Variants in DNAH9 observed in about 807,000 individuals in gnomAD.
DNAH9 encodes dynein axonemal heavy chain 9, also known as DNAH9 variant protein.
A neutral mutation model predicts 471.6 loss-of-function variants in DNAH9; 345 were observed. The ratio of observed to expected loss-of-function variants is 0.73; its 90% CI spans 0.67 to 0.80. The LOEUF (loss-of-function observed/expected upper bound fraction) is 0.80, where lower values mean the gene tolerates loss of function less well. Ranked by LOEUF, DNAH9 falls within the 30% of genes least tolerant of loss-of-function variation. DNAH9 has a pLI of 0.00. For synonymous variants in DNAH9, 2,093 were observed against 2,123.6 expected, an observed-to-expected ratio of 0.99 and a Z score of 0.40; for missense variants, 5,407 against 5,609.2, an observed-to-expected ratio of 0.96 and a Z score of 1.15.
intron 49 of DNAH9, among the ~76,000 whole-genome samples, chr17:11,851,536 G>T (rs1971421135): frequency 1.3e-5 from 2 of 152,164 alleles, no homozygotes; most frequent in African/African-American, 4.8e-5. Flanking sequence ...GAAAGAAGGT[G>T]ATCACAGCTA....
At chr17:11,816,803 T>C in intron 45 of DNAH9, among the ~76,000 whole-genome samples, 1 of 152,344 alleles carries the variant, frequency 6.6e-6, no homozygotes, top group East Asian at 1.9e-4. Context: ...AATATTTCAA[T>C]ACTATTTCTA....
intron 17 of DNAH9, among the ~76,000 whole-genome samples, chr17:11,670,845 A>G (rs1442703585): frequency 2.6e-5 from 4 of 152,076 alleles, no homozygotes; most frequent in African/African-American, 9.7e-5. Flanking sequence ...CTGAGATTAC[A>G]GGCATGTGCC....
intron 67 of DNAH9, among the ~76,000 whole-genome samples, chr17:11,951,182 T>C (rs908454884): frequency 2.6e-5 from 4 of 152,242 alleles, no homozygotes; most frequent in African/African-American, 7.2e-5. Flanking sequence ...TGGAAGTTAA[T>C]TGGCCATTGA....
intron 28 of DNAH9, among the ~76,000 whole-genome samples, chr17:11,738,493 G>C (rs1476277086): frequency 6.6e-6 from 1 of 152,136 alleles, no homozygotes; most frequent in Admixed American, 6.5e-5. Flanking sequence ...CAATTCTCCT[G>C]CCTCAGCCTC....
intron 51 of DNAH9, among the ~76,000 whole-genome samples, chr17:11,870,720 C>G (rs1007879369): frequency 3.9e-5 from 6 of 152,124 alleles, no homozygotes; most frequent in African/African-American, 1.4e-4. Context: ...CTTAGCGCAG[C>G]CTTCTCTGCC....
chr17:11,783,790 A>G (rs181283921), intron 40 of DNAH9, 42 bp downstream of exon 40: 1 of 1,505,314 alleles, frequency 6.6e-7, no homozygotes, highest in East Asian at 2.3e-5. Context: ...ATCCTATCTT[A>G]CTAGAGCTGA....
intron 62 of DNAH9, among the ~76,000 whole-genome samples, chr17:11,927,594 T>C (rs1974375364): frequency 6.6e-6 from 1 of 152,222 alleles, no homozygotes; most frequent in Non-Finnish European, 1.5e-5. Flanking sequence ...ACCTTCTTTA[T>C]GGATCTAACA....
intron 50 of DNAH9, among the ~76,000 whole-genome samples, chr17:11,858,358 C>T (rs17878648): frequency 0.35 from 53,320 of 152,000 alleles, 10,872 homozygotes; most frequent in Non-Finnish European, 0.47. Context: ...AGTTGGCCCA[C>T]GCAGTCTATT....
At chr17:11,946,071 G>C (rs373818889) in intron 67 of DNAH9, among the ~76,000 whole-genome samples, 3 of 151,466 alleles carry the variant, frequency 2.0e-5, no homozygotes, top group Non-Finnish European at 4.4e-5. Flanking sequence ...GTGGTGGCAC[G>C]CACCTGTAAT....
rs1967458170 is a variant in DNAH9, at chr17:11,757,690, C to G, written c.6993C>G (p.Thr2331=). 3.7e-6 allele frequency: 6 copies of G among 1,613,528 alleles called. No homozygotes were observed. The highest frequency in any genetic ancestry group is 5.1e-6 in the Non-Finnish European group (6 of 1,179,956). ...YLPTCLDTLR[T]RFKKIIPIPE... is the part of the protein sequence containing the mutation. ...CAACCTGCCTAGACACACTCAGAAC[C>G]AGGTAGGCCAAGAAACAAGGAAGAT... is the stretch of plus-strand genomic sequence containing the variant. Residue 2331 remains threonine, a splice_region_variant and synonymous_variant, in exon 35 of 69, where the codon ACC becomes ACG. Coordinates refer to ENST00000262442, the MANE Select transcript of DNAH9 (RefSeq NM_001372.4).
intron 13 of DNAH9, 134 bp from the exon 14 acceptor site, chr17:11,652,627 C>T (rs1441685791): frequency 1.5e-5 from 13 of 860,840 alleles, no homozygotes; most frequent in African/African-American, 5.1e-5. Flanking sequence ...AATATTCTGA[C>T]GATAATGAAG....
chr17:11,912,371 T>A (rs8079204), intron 61 of DNAH9, among the ~76,000 whole-genome samples: 145,001 of 152,228 alleles, frequency 0.95, 69,471 homozygotes, highest in East Asian at 1. Context: ...AAGTTCAGAC[T>A]TCCTTGTCTT....
chr17:11,913,131 G>A (rs892964803), intron 61 of DNAH9, among the ~76,000 whole-genome samples: 1 of 152,138 alleles, frequency 6.6e-6, no homozygotes, highest in African/African-American at 2.4e-5. Context: ...TTACACCACT[G>A]CACTCCAGCC....
At chr17:11,941,442 A>T (rs1271169692) in intron 66 of DNAH9, among the ~76,000 whole-genome samples, 1 of 152,174 alleles carries the variant, frequency 6.6e-6, no homozygotes, top group Non-Finnish European at 1.5e-5. Flanking sequence ...CATTTATTCC[A>T]AAATGGCAGA....
intron 7 of DNAH9, among the ~76,000 whole-genome samples, chr17:11,631,025 C>G (rs942769606): frequency 3.3e-5 from 5 of 152,092 alleles, no homozygotes; most frequent in Non-Finnish European, 7.4e-5. Flanking sequence ...TTATTAGTGA[C>G]TTGGGGAGGT....
At chr17:11,955,960 C>T (rs572411614) in intron 67 of DNAH9, among the ~76,000 whole-genome samples, 1 of 152,342 alleles carries the variant, frequency 6.6e-6, no homozygotes, top group African/African-American at 2.4e-5. Context: ...TGGTCAACCA[C>T]CCTTTTCTAT....
chr17:11,750,882 A>C (rs1379978346), intron 32 of DNAH9, among the ~76,000 whole-genome samples: 1 of 152,128 alleles, frequency 6.6e-6, no homozygotes, highest in Non-Finnish European at 1.5e-5. Flanking sequence ...AAATGACGGA[A>C]AAGGAACTGA....
Position 11,810,348 on chromosome 17 carries a change from A to C in DNAH9, c.8686A>C (p.Ile2896Leu), listed in dbSNP as rs750200470. 9.9e-6 allele frequency: 16 copies of C among 1,612,396 alleles called. No individual in the cohort carries two copies. The highest frequency in any genetic ancestry group is 1.3e-5 in the Non-Finnish European group (15 of 1,179,506). The change falls in exon 45 of 69, where the codon ATC (isoleucine) becomes CTC (leucine). Residue 2896 changes from isoleucine to leucine, a missense_variant. Ile to Leu is a conservative substitution (Grantham distance 5, BLOSUM62 2). Transcript: ENST00000262442. The stretch of plus-strand genomic sequence containing the variant: ...GGCTGATGAGAGGTTCCTTGTGCTC[A>C]TCAATGATCTTTTGGCATCTGGTAA... ...QVADERFLVLINDLLASGEIP... is the reference protein window; with the variant it reads ...QVADERFLVLLNDLLASGEIP...
At chr17:11,959,658 T>C (rs1195081133) in intron 67 of DNAH9, among the ~76,000 whole-genome samples, 1 of 152,236 alleles carries the variant, frequency 6.6e-6, no homozygotes, top group Non-Finnish European at 1.5e-5. Flanking sequence ...AGAAAAAACT[T>C]GCTCATCAAA....
Sources: allele counts gnomAD v4.1 joint callset (sites outside exome capture counted in the v4.1 genomes callset), GRCh38; gene constraint gnomAD v4.1.1; transcripts MANE v1.5; gene names NCBI Gene and HGNC (gene_info 2026-07-23, HGNC 2026-07-21).